Variants in CPLANE1 observed in about 807,000 individuals in gnomAD.
The protein encoded by CPLANE1 is ciliogenesis and planar polarity effector 1.
Under a neutral mutation model 362.5 loss-of-function variants are expected in CPLANE1, and 263 were observed. The ratio of observed to expected loss-of-function variants is 0.73; its 90% confidence interval spans 0.66 to 0.80. The LOEUF (loss-of-function observed/expected upper bound fraction) is 0.80. CPLANE1 is among the 30% of genes least tolerant of loss of function. CPLANE1 has a pLI of 0.00. For missense variants in CPLANE1, 3,461 were observed against 3,793.4 expected, an observed-to-expected ratio of 0.91 and a Z score of 2.30; for synonymous variants, 1,212 against 1,302.6, an observed-to-expected ratio of 0.93 and a Z score of 1.50.
chr5:37,207,716 T>G (rs746913471), intron 16 of CPLANE1, among the ~76,000 whole-genome samples: 13 of 152,228 alleles, frequency 8.5e-5, no homozygotes, highest in Non-Finnish European at 1.2e-4. Context: ...AAATTTCTGA[T>G]AGTATTTTAA....
At chr5:37,213,811 A>G in intron 15 of CPLANE1, 79 bp from the exon 16 acceptor site, 1 of 1,202,770 alleles carries the variant, frequency 8.3e-7, no homozygotes, top group Non-Finnish European at 1.1e-6. Flanking sequence ...AACATTATAC[A>G]AAAAGAAAAT....
chr5:37,079,189 T>C, the CPLANE1 span, among the ~76,000 whole-genome samples: 2 of 150,736 alleles, frequency 1.3e-5, no homozygotes, highest in Admixed American at 1.3e-4. Flanking sequence ...TTTTGGGTTT[T>C]ACATTTAAGT....
chr5:37,162,684 ATTT>A, intron 37 of CPLANE1, 118 bp from the exon 38 acceptor site: 3 of 507,496 alleles, frequency 5.9e-6, no homozygotes, highest in South Asian at 3.1e-5. Context: ...ATGTTATTAA[ATTT>A]TTTTTTTTTT....
chr5:37,198,010 A>G (rs1486648148), intron 20 of CPLANE1, among the ~76,000 whole-genome samples: 4 of 152,196 alleles, frequency 2.6e-5, no homozygotes, highest in Non-Finnish European at 5.9e-5. Flanking sequence ...AAATAATTAT[A>G]TTGTTTTAAT....
chr5:37,222,381 T>C (rs1008538497), intron 14 of CPLANE1, among the ~76,000 whole-genome samples: 1 of 152,176 alleles, frequency 6.6e-6, no homozygotes, highest in African/African-American at 2.4e-5. Context: ...GGAACCATCT[T>C]AGCTTAGGTA....
Position 37,157,650 on chromosome 5 carries a change from T to C in CPLANE1, c.8011+20A>G. The C allele has an allele frequency of 6.2e-7, 1 of 1,600,818 alleles. No homozygotes were observed. Among genetic ancestry groups the C allele is most frequent in the East Asian group, 2.2e-5 (1 of 44,764 alleles). ...AGAACTTTTCAAATTATATTTGTTT[T>C]AAAAGTAGGAAAAAATTACCTTGAC... is the stretch of plus-strand genomic sequence containing the variant. On this transcript the variant is annotated intron_variant, in intron 40 of 52. Coordinates refer to ENST00000651892, the MANE Select transcript of CPLANE1 (RefSeq NM_001384732.1).
chr5:37,238,870 C>A lies in CPLANE1; in HGVS notation c.925G>T (p.Ala309Ser). The A allele has an allele frequency of 6.6e-7, 1 of 1,513,090 alleles. No homozygotes were observed. Among genetic ancestry groups the A allele is most frequent in the South Asian group, 1.3e-5 (1 of 77,108 alleles). 93.7% of individuals were successfully genotyped at this position (1,513,090 alleles called of 1,614,324 possible). A position where few individuals can be genotyped will look rare whatever the true frequency, so the allele number is the denominator to read the frequency against. The change falls in exon 8 of 53, where the codon GCT becomes TCT. Residue 309 changes from alanine (A) to serine (S), a missense_variant. Physicochemically the swap from Ala to Ser is moderately conservative, Grantham distance 99. Coordinates refer to ENST00000651892, the MANE Select transcript of CPLANE1 (RefSeq NM_001384732.1). ...GCSNKSPVVP[A>S]TLIRSYWVGD... ...AAGAGTTCTTACCTAATAAGTGTAG[C>A]TGGAACCACGGGACTCTTGTTACTA...
intron 1 of CPLANE1, among the ~76,000 whole-genome samples, chr5:37,248,255 G>A (rs781637180): frequency 2.6e-5 from 4 of 151,796 alleles, no homozygotes; most frequent in African/African-American, 7.3e-5. Context: ...AGCCTCCCGA[G>A]TAGCTGGGAT....
Position 37,227,743 on chromosome 5 carries a change from T to C in CPLANE1, c.1196A>G (p.Gln399Arg), listed in dbSNP as rs890574549. The C allele has an allele frequency of 1.3e-6, 2 of 1,551,314 alleles. No homozygotes were observed. Among genetic ancestry groups the C allele is most frequent in the African/African-American group, 2.7e-5 (2 of 73,060 alleles). Residue 399 changes from glutamine (Q) to arginine (R), a missense_variant, in exon 10 of 53, where the codon CAG becomes CGG. Physicochemically the swap from Gln to Arg is conservative, Grantham distance 43 (BLOSUM62 1). This residue lies in a region of CPLANE1 where 3,380 missense variants were observed against 3,666.1 expected (regional missense o/e 0.92). Transcript: ENST00000651892. The stretch of plus-strand genomic sequence containing the variant: ...TGAGTGTGCTTTTATAGAAAATCTC[T>C]GTCTCATAGGGTCACTATCAGAAGC... ...SSASDSDPMR[Q>R]RFSIKAHSRL...
At chr5:37,145,862 C>T (rs1771409937) in intron 43 of CPLANE1, among the ~76,000 whole-genome samples, 1 of 152,112 alleles carries the variant, frequency 6.6e-6, no homozygotes, top group Non-Finnish European at 1.5e-5. Flanking sequence ...TTAAAAAAGA[C>T]TGTCTAATTA....
chr5:37,158,119 T>C (rs761778482), intron 39 of CPLANE1, 105 bp downstream of exon 39: 6 of 1,271,636 alleles, frequency 4.7e-6, no homozygotes, highest in East Asian at 4.7e-5. Context: ...GCTACATAGA[T>C]GAGATTTTTA....
the CPLANE1 span, chr5:37,085,959 G>A: frequency 1.6e-6 from 1 of 609,814 alleles, no homozygotes; most frequent in Non-Finnish European, 2.9e-6. Context: ...GACAAAGAGG[G>A]ACATTATATA....
At chr5:37,204,882 C>T (rs534881859) in intron 18 of CPLANE1, among the ~76,000 whole-genome samples, 10 of 152,306 alleles carry the variant, frequency 6.6e-5, no homozygotes, top group African/African-American at 2.4e-4. Flanking sequence ...TTCAGCCGGG[C>T]GCAGTGGCTC....
downstream of CPLANE1, among the ~76,000 whole-genome samples, chr5:37,102,376 C>T (rs1430523104): frequency 6.6e-6 from 1 of 151,956 alleles, no homozygotes; most frequent in African/African-American, 2.4e-5. Flanking sequence ...TTAGTAGAGG[C>T]AGGATCTCAC....
chr5:37,223,327 G>A (rs1266213936), intron 14 of CPLANE1, among the ~76,000 whole-genome samples: 2 of 150,372 alleles, frequency 1.3e-5, no homozygotes, highest in African/African-American at 2.5e-5. Flanking sequence ...TGATTGTATT[G>A]AGGTGTTCTT....
intron 41 of CPLANE1, among the ~76,000 whole-genome samples, chr5:37,154,358 A>T (rs1774408321): frequency 6.6e-6 from 1 of 151,850 alleles, no homozygotes; most frequent in South Asian, 2.1e-4. Context: ...ACTTTATATG[A>T]GATCTCAGGC....
chr5:37,104,028 T>C (rs772454272), downstream of CPLANE1, among the ~76,000 whole-genome samples: 1 of 152,230 alleles, frequency 6.6e-6, no homozygotes, highest in Non-Finnish European at 1.5e-5. Flanking sequence ...TCTTTTTACA[T>C]AATCCCGTAT....
the CPLANE1 span, among the ~76,000 whole-genome samples, chr5:37,078,804 G>A: frequency 6.6e-6 from 1 of 151,674 alleles, no homozygotes; most frequent in Non-Finnish European, 1.5e-5. Flanking sequence ...TTTCTCTAAT[G>A]ATCAGTGATG....
At chr5:37,140,385 T>C in intron 44 of CPLANE1, 1 of 983,812 alleles carries the variant, frequency 1.0e-6, no homozygotes, top group Non-Finnish European at 1.2e-6. Flanking sequence ...AATCAAGGAT[T>C]TTATTTTCGT....
Sources: gnomAD v4.1 joint callset for allele counts (sites outside exome capture counted in the v4.1 genomes callset) on GRCh38, gnomAD v4.1.1 for gene constraint, gnomAD v4.1.1 regional missense constraint, MANE v1.5 for transcripts, NCBI Gene and HGNC (gene_info 2026-07-23, HGNC 2026-07-21) for gene names.